Variants in VAPB observed in about 807,000 individuals in gnomAD.
The protein encoded by VAPB is VAMP associated protein B and C, also known as vesicle-associated membrane protein-associated protein B/C.
A neutral mutation model predicts 25.6 loss-of-function variants in VAPB; 7 were observed. The observed-to-expected ratio is 0.27, with a 90% CI of 0.16 to 0.51. VAPB has a LOEUF of 0.51. Ranked by LOEUF, VAPB falls within the 20% of genes least tolerant of loss-of-function variation. The pLI is 0.97. For synonymous variants in VAPB, 112 were observed against 109.2 expected, an observed-to-expected ratio of 1.03 and a Z score of -0.16; for missense variants, 266 against 301.3, an observed-to-expected ratio of 0.88 and a Z score of 0.87.
At chr20:58,426,053 C>T (rs1237321556) in intron 2 of VAPB, among the ~76,000 whole-genome samples, 2 of 151,986 alleles carry the variant, frequency 1.3e-5, no homozygotes, top group South Asian at 4.2e-4. Context: ...CCACCATGCC[C>T]AGCTAAATTT....
In VAPB at chr20:58,446,649, A is replaced by T. The variant is rs779900672; in HGVS notation, c.*2414A>T. ...CAGAGGATGTGGACATTTTGGTTGC[A>T]GCTAAAAATCAGTCTCTGAAGTCTC... On this transcript the variant is annotated 3_prime_UTR_variant, in exon 6 of 6. Coordinates refer to ENST00000475243, the MANE Select transcript of VAPB (RefSeq NM_004738.5). The T allele has an allele frequency of 4.4e-6, 2 of 454,120 alleles. No individual in the cohort carries two copies. The highest frequency in any genetic ancestry group is 3.1e-5 in the South Asian group (2 of 64,480). 28.1% of individuals were successfully genotyped at this position (454,120 alleles called of 1,614,324 possible). A position where few individuals can be genotyped will look rare whatever the true frequency, so the allele number is the denominator to read the frequency against.
Position 58,446,308 on chromosome 20 carries a change from T to C in VAPB, c.*2073T>C. 1 of 454,098 alleles carries C rather than the reference T, an allele frequency of 2.2e-6. No homozygotes were observed. Among genetic ancestry groups the C allele is most frequent in the South Asian group, 1.6e-5 (1 of 64,468 alleles). 28.1% of individuals were successfully genotyped at this position (454,098 alleles called of 1,614,324 possible). A position where few individuals can be genotyped will look rare whatever the true frequency, so the allele number is the denominator to read the frequency against. ...CCGTGAGGGGACTAAAATTTACTAATTGTAGTTGCTGCAGCCAGTTAAGTC... is the reference window on the plus strand; with the variant it reads ...CCGTGAGGGGACTAAAATTTACTAACTGTAGTTGCTGCAGCCAGTTAAGTC... On this transcript the variant is annotated 3_prime_UTR_variant, in exon 6 of 6. Coordinates refer to ENST00000475243, the MANE Select transcript of VAPB (RefSeq NM_004738.5).
intron 1 of VAPB, among the ~76,000 whole-genome samples, chr20:58,402,535 C>T (rs934970752): frequency 6.0e-5 from 9 of 150,234 alleles, no homozygotes; most frequent in Non-Finnish European, 8.9e-5. Flanking sequence ...GACTCCCTTT[C>T]GCTGTTAGTC....
At chr20:58,430,861 C>G (rs1988912399) in intron 2 of VAPB, among the ~76,000 whole-genome samples, 1 of 152,244 alleles carries the variant, frequency 6.6e-6, no homozygotes, top group South Asian at 2.1e-4. Context: ...CAGGCGTGAG[C>G]CACTGCGCCC....
At chr20:58,435,644 G>T (rs116833231) in intron 3 of VAPB, among the ~76,000 whole-genome samples, 1,819 of 152,294 alleles carry the variant, frequency 0.012, 45 homozygotes, top group African/African-American at 0.041. Flanking sequence ...TCACCACATA[G>T]CCTTTTGTTT....
At chr20:58,399,507 A>G (rs1328001680) in intron 1 of VAPB, among the ~76,000 whole-genome samples, 1 of 151,954 alleles carries the variant, frequency 6.6e-6, no homozygotes, top group Non-Finnish European at 1.5e-5. Context: ...GCTTGAGCTC[A>G]GGAGTTTGAC....
At chr20:58,429,247 C>T (rs1388933130) in intron 2 of VAPB, among the ~76,000 whole-genome samples, 1 of 151,964 alleles carries the variant, frequency 6.6e-6, no homozygotes, top group Non-Finnish European at 1.5e-5. Flanking sequence ...CGGTAGGGCA[C>T]AGTTTTTATT....
At position 58,408,615 on chromosome 20, in the gene VAPB, G is replaced by A. The variant is rs531321828; in HGVS notation, c.59-9596G>A. On this transcript the variant is annotated intron_variant, in intron 1 of 5. Coordinates refer to ENST00000475243, the MANE Select transcript of VAPB (RefSeq NM_004738.5). ...AGTATGGTATCTTTCATTTTTTAGG[G>A]AGGGGGCAACTTTAAAAAAAAACAC... Among the ~76,000 whole-genome samples, 5 of 137,386 alleles carry A rather than the reference G, an allele frequency of 3.6e-5. No homozygotes were observed. In the South Asian group the frequency reaches 1.2e-3, roughly 32 times the overall value. 90.1% of individuals were successfully genotyped at this position (137,386 alleles called of 152,430 possible).
intron 2 of VAPB, among the ~76,000 whole-genome samples, chr20:58,425,692 C>T (rs1267730592): frequency 6.6e-6 from 1 of 152,048 alleles, no homozygotes; most frequent in Non-Finnish European, 1.5e-5. Context: ...CAGGTGTGTA[C>T]CCTGGGCCAG....
chr20:58,389,386 C>T lies in VAPB; in HGVS notation c.-74C>T, dbSNP rs1987724241. 3 of 1,367,378 alleles carry T rather than the reference C, an allele frequency of 2.2e-6. No individual in the cohort carries two copies. The highest frequency in any genetic ancestry group is 2.5e-5 in the South Asian group (2 of 80,954). 84.7% of individuals were successfully genotyped at this position (1,367,378 alleles called of 1,614,324 possible). On this transcript the variant is annotated 5_prime_UTR_variant, in exon 1 of 6. Coordinates refer to ENST00000475243, the MANE Select transcript of VAPB (RefSeq NM_004738.5). ...GCCTTTTTGTAAAACTTAAAGCGGGCGCAGCATTAACGCTTCCCGCCCCGG... is the reference window on the plus strand; with the variant it reads ...GCCTTTTTGTAAAACTTAAAGCGGGTGCAGCATTAACGCTTCCCGCCCCGG...
intron 1 of VAPB, among the ~76,000 whole-genome samples, chr20:58,410,216 G>A (rs955328815): frequency 6.6e-6 from 1 of 152,066 alleles, no homozygotes; most frequent in Non-Finnish European, 1.5e-5. Flanking sequence ...AACCTACATT[G>A]ACATGTCATT....
In VAPB at chr20:58,444,613, T is replaced by TG. The variant is rs1386525247; in HGVS notation, c.*382dup. 2 of 455,660 alleles carry TG rather than the reference T, an allele frequency of 4.4e-6. No homozygotes were observed. Among genetic ancestry groups the TG allele is most frequent in the African/African-American group, 2.0e-5 (1 of 50,104 alleles). 28.2% of individuals were successfully genotyped at this position (455,660 alleles called of 1,614,324 possible). On this transcript the variant is annotated 3_prime_UTR_variant, in exon 6 of 6. Coordinates refer to ENST00000475243, the MANE Select transcript of VAPB (RefSeq NM_004738.5). ...TTCCTCGCCTGTTGGTGCTGGCCCT[T>TG]GGGGAGCTGGAGCCCAGCATGCTGG... is the stretch of plus-strand genomic sequence containing the variant.
Position 58,447,587 on chromosome 20 carries a change from T to A in VAPB, c.*3352T>A, listed in dbSNP as rs1413084389. ...AGTTTGCAGGCTATGTTGAGTCAGA[T>A]AGAACTGAATGTAGTGAGAGCTCAG... On this transcript the variant is annotated 3_prime_UTR_variant, in exon 6 of 6. Transcript: ENST00000475243. 3 of 454,090 alleles carry A rather than the reference T, an allele frequency of 6.6e-6. No homozygotes were observed. The Admixed American group carries it at 7.0e-5, about 11-fold the overall frequency. The allele number at this position is 454,090 out of a possible 1,614,324, so 28.1% of individuals were successfully genotyped here.
chr20:58,435,211 C>G (rs761759800), intron 3 of VAPB, among the ~76,000 whole-genome samples: 1 of 151,472 alleles, frequency 6.6e-6, no homozygotes, highest in Non-Finnish European at 1.5e-5. Context: ...CTATGTTTAA[C>G]TTTTCTCTAA....
At position 58,402,561 on chromosome 20, in the gene VAPB, CCTT is replaced by C. The variant is rs1343681368; in HGVS notation, c.58+13045_58+13047del. On this transcript the variant is annotated intron_variant, in intron 1 of 5. Coordinates refer to ENST00000475243, the MANE Select transcript of VAPB (RefSeq NM_004738.5). ...GCTGTTAGTCAGCAAGCCCCCCCAC[CCTT>C]TTTTTTTTTTTTTTTTTAGATTGTG... is the stretch of plus-strand genomic sequence containing the variant. Among the ~76,000 whole-genome samples the C allele has an allele frequency of 5.9e-4, 66 of 111,976 alleles. 1 individual carries two copies. The highest frequency in any genetic ancestry group is 1.3e-3 in the African/African-American group (38 of 30,088). 73.5% of individuals were successfully genotyped at this position (111,976 alleles called of 152,430 possible).
intron 1 of VAPB, among the ~76,000 whole-genome samples, chr20:58,400,982 A>T (rs972164675): frequency 6.6e-6 from 1 of 152,240 alleles, no homozygotes; most frequent in African/African-American, 2.4e-5. Flanking sequence ...GAATGTGCAG[A>T]TGCACACAAT....
At chr20:58,431,155 T>C (rs1988918934) in intron 2 of VAPB, 1 of 152,262 alleles carries the variant, frequency 6.6e-6, no homozygotes, top group Non-Finnish European at 1.5e-5. Context: ...TTTTTGAACA[T>C]TGTTTCACTA....
chr20:58,445,167 AT>A lies in VAPB; in HGVS notation c.*933del, dbSNP rs1455852769. On this transcript the variant is annotated 3_prime_UTR_variant, in exon 6 of 6. Coordinates refer to ENST00000475243, the MANE Select transcript of VAPB (RefSeq NM_004738.5). ...TCTGGGTCAGTAAATAACAACTGTC[AT>A]AGGGAGGGAAATTCTCAGTAGTGAC... 5 of 454,100 alleles carry A rather than the reference AT, an allele frequency of 1.1e-5. No homozygotes were observed. The highest frequency in any genetic ancestry group is 2.3e-5 in the Admixed American group (1 of 42,558). The allele number at this position is 454,100 out of a possible 1,614,324, so 28.1% of individuals were successfully genotyped here.
At chr20:58,408,955 C>G (rs1988306788) in intron 1 of VAPB, among the ~76,000 whole-genome samples, 1 of 136,110 alleles carries the variant, frequency 7.3e-6, no homozygotes, top group Admixed American at 8.0e-5. Flanking sequence ...AAAATATGTC[C>G]TATGCAGAAG....
Sources: gnomAD v4.1 joint callset for allele counts (sites outside exome capture counted in the v4.1 genomes callset) on GRCh38, gnomAD v4.1.1 for gene constraint, MANE v1.5 for transcripts, NCBI Gene and HGNC (gene_info 2026-07-23, HGNC 2026-07-21) for gene names.